Variants in KCNIP4 observed in about 807,000 individuals in gnomAD.
KCNIP4 encodes potassium voltage-gated channel interacting protein 4.
Under a neutral mutation model 34.0 loss-of-function variants are expected in KCNIP4, and 12 were observed. The ratio of observed to expected loss-of-function variants is 0.35; its 90% CI spans 0.23 to 0.57. KCNIP4 has a LOEUF of 0.57. Among genes scored for constraint, KCNIP4 ranks in the 20% least tolerant of loss-of-function variants. KCNIP4 has a pLI of 0.83. For synonymous variants in KCNIP4, 124 were observed against 102.2 expected, an observed-to-expected ratio of 1.21 and a Z score of -1.29; for missense variants, 238 against 311.7, an observed-to-expected ratio of 0.76 and a Z score of 1.78.
At chr4:21,050,918 G>T (rs530218424) in intron 1 of KCNIP4, among the ~76,000 whole-genome samples, 1 of 152,208 alleles carries the variant, frequency 6.6e-6, no homozygotes, top group Non-Finnish European at 1.5e-5. Context: ...ATTGAAGAGA[G>T]CTATATCCAA....
intron 1 of KCNIP4, among the ~76,000 whole-genome samples, chr4:21,077,265 T>A (rs2109012772): frequency 6.6e-6 from 1 of 152,304 alleles, no homozygotes; most frequent in South Asian, 2.1e-4. Context: ...TCTAAAGGGT[T>A]AATTTATGAT....
At chr4:21,192,113 A>G (rs1476176760) in intron 1 of KCNIP4, among the ~76,000 whole-genome samples, 1 of 152,232 alleles carries the variant, frequency 6.6e-6, no homozygotes, top group Non-Finnish European at 1.5e-5. Flanking sequence ...TTCAGAGGGA[A>G]AATTTATAAC....
chr4:20,729,490 TAATTTTTA>T lies in KCNIP4; in HGVS notation c.*584_*591del, dbSNP rs1747282689. 1 of 119,136 alleles carries T rather than the reference TAATTTTTA, an allele frequency of 8.4e-6. No individual in the cohort carries two copies. Among genetic ancestry groups the T allele is most frequent in the South Asian group, 3.2e-4 (1 of 3,166 alleles). The allele number at this position is 119,136 out of a possible 1,614,324, so 7.4% of individuals were successfully genotyped here. On this transcript the variant is annotated 3_prime_UTR_variant, in exon 9 of 9. Coordinates refer to ENST00000382152, the MANE Select transcript of KCNIP4 (RefSeq NM_025221.6). ...AATAAACTAATTTTTAAATGTTTAA[TAATTTTTA>T]AATGTTTAAAAATGCCAGATAAAAC...
At chr4:20,825,596 A>T (rs1717660423) in intron 3 of KCNIP4, among the ~76,000 whole-genome samples, 1 of 152,198 alleles carries the variant, frequency 6.6e-6, no homozygotes, top group Admixed American at 6.5e-5. Flanking sequence ...TTTTGGACAT[A>T]CTGAATTTCA....
chr4:21,903,225 C>T (rs958177791), intron 1 of KCNIP4, among the ~76,000 whole-genome samples: 7 of 152,104 alleles, frequency 4.6e-5, no homozygotes, highest in Non-Finnish European at 7.4e-5. Context: ...CCTTCTGAAG[C>T]CATCTTCCTC....
intron 1 of KCNIP4, among the ~76,000 whole-genome samples, chr4:21,104,931 T>A (rs1748356095): frequency 6.6e-6 from 1 of 151,658 alleles, no homozygotes; most frequent in Non-Finnish European, 1.5e-5. Flanking sequence ...TTCTGAGGAC[T>A]CTGTTCTGTT....
At chr4:20,736,572 T>A (rs1336535891) in intron 5 of KCNIP4, among the ~76,000 whole-genome samples, 1 of 152,200 alleles carries the variant, frequency 6.6e-6, no homozygotes, top group African/African-American at 2.4e-5. Context: ...CTAATTTTTA[T>A]ATGTTTACTT....
chr4:21,569,462 G>T (rs1192099630), intron 1 of KCNIP4, among the ~76,000 whole-genome samples: 2 of 151,806 alleles, frequency 1.3e-5, no homozygotes, highest in Non-Finnish European at 2.9e-5. Context: ...TGAATTTGAG[G>T]ATTCATGACA....
At chr4:21,829,162 G>T (rs2109302744) in intron 1 of KCNIP4, among the ~76,000 whole-genome samples, 1 of 151,952 alleles carries the variant, frequency 6.6e-6, no homozygotes, top group East Asian at 1.9e-4. Context: ...CTTTGGGTTT[G>T]GATCGGTTAT....
chr4:20,756,552 C>G (rs1447547785), intron 4 of KCNIP4, among the ~76,000 whole-genome samples: 1 of 152,126 alleles, frequency 6.6e-6, no homozygotes, highest in East Asian at 1.9e-4. Context: ...CTTCACTCTT[C>G]CAGCAAAGCT....
At chr4:21,180,875 T>C (rs113994905) in intron 1 of KCNIP4, among the ~76,000 whole-genome samples, 1 of 152,188 alleles carries the variant, frequency 6.6e-6, no homozygotes, top group Non-Finnish European at 1.5e-5. Context: ...AGTGATTATA[T>C]AGTAACATTC....
Position 21,140,201 on chromosome 4 carries a change from T to C in KCNIP4, c.62-257492A>G, listed in dbSNP as rs117183304. On this transcript the variant is annotated intron_variant, in intron 1 of 8. Transcript: ENST00000382152. ...GGCTGCTTGGCTTTGAATCCATGTT[T>C]TGCTGGTTACTACCTGTGTGGCCTT... Among the ~76,000 whole-genome samples the C allele has an allele frequency of 5.1e-4, 77 of 152,258 alleles. 1 individual carries two copies. The East Asian group carries it at 0.014, about 27-fold the overall frequency.
At position 21,132,837 on chromosome 4, in the gene KCNIP4, C is replaced by T. The variant is rs575400496; in HGVS notation, c.62-250128G>A. 6.6e-5 allele frequency among the ~76,000 whole-genome samples: 9 copies of T among 136,568 alleles called. No individual in the cohort carries two copies. In the South Asian group the frequency reaches 1.9e-3, roughly 29 times the overall value. 89.6% of individuals were successfully genotyped at this position (136,568 alleles called of 152,430 possible). ...CAGCCTGGGCAACATGGTGAAATGT[C>T]GTCTCTACTAAACGACAAAAAAAAA... On this transcript the variant is annotated intron_variant, in intron 1 of 8. Transcript: ENST00000382152.
intron 2 of KCNIP4, among the ~76,000 whole-genome samples, chr4:20,873,922 C>A (rs541872016): frequency 1.1e-3 from 161 of 152,214 alleles, no homozygotes; most frequent in Admixed American, 3.2e-3. Context: ...CCTTTTTTTC[C>A]CCTCTGATGA....
chr4:21,064,285 C>T (rs1744163158), intron 1 of KCNIP4, among the ~76,000 whole-genome samples: 1 of 151,854 alleles, frequency 6.6e-6, no homozygotes, highest in African/African-American at 2.4e-5. Flanking sequence ...ATGTCTCTTA[C>T]ATATATTATA....
chr4:21,236,218 T>C (rs1759347820), intron 1 of KCNIP4, among the ~76,000 whole-genome samples: 1 of 152,134 alleles, frequency 6.6e-6, no homozygotes, highest in Non-Finnish European at 1.5e-5. Context: ...CCCTACTCCC[T>C]AAACTTTTTT....
chr4:21,891,498 A>C (rs2109402386), intron 1 of KCNIP4, among the ~76,000 whole-genome samples: 1 of 152,172 alleles, frequency 6.6e-6, no homozygotes, highest in African/African-American at 2.4e-5. Context: ...GATGAATCTG[A>C]AGTACATATG....
chr4:21,245,981 A>C (rs1033253300), intron 1 of KCNIP4, among the ~76,000 whole-genome samples: 6 of 152,216 alleles, frequency 3.9e-5, no homozygotes, highest in Admixed American at 2.6e-4. Flanking sequence ...ATATTCCGAC[A>C]TATGACAGAA....
chr4:21,129,635 C>T (rs1315611801), intron 1 of KCNIP4, among the ~76,000 whole-genome samples: 1 of 152,154 alleles, frequency 6.6e-6, no homozygotes, highest in Non-Finnish European at 1.5e-5. Flanking sequence ...ATCAAAAGTA[C>T]TTGCTTTTAA....
Sources: gnomAD v4.1 joint callset for allele counts (sites outside exome capture counted in the v4.1 genomes callset) on GRCh38, gnomAD v4.1.1 for gene constraint, MANE v1.5 for transcripts, NCBI Gene and HGNC (gene_info 2026-07-23, HGNC 2026-07-21) for gene names.